Variants in NAV3 observed in about 807,000 individuals in gnomAD.
NAV3 encodes the protein pore membrane and/or filament interacting like protein 1.
In NAV3, 87 loss-of-function variants were observed where a neutral mutation model predicts 244.7. The ratio of observed to expected loss-of-function variants is 0.36; its 90% CI spans 0.30 to 0.42. NAV3 has a LOEUF of 0.42. Among genes scored for constraint, NAV3 ranks in the 20% least tolerant of loss-of-function variants. NAV3 has a pLI of 1.00. For missense variants in NAV3, 2,663 were observed against 2,893.3 expected, an observed-to-expected ratio of 0.92 and a Z score of 1.83; for synonymous variants, 1,126 against 1,042.2, an observed-to-expected ratio of 1.08 and a Z score of -1.55.
intron 2 of NAV3, among the ~76,000 whole-genome samples, chr12:77,661,204 C>T (rs572987827): frequency 2.0e-5 from 3 of 152,272 alleles, no homozygotes; most frequent in Non-Finnish European, 4.4e-5. Context: ...TCCCGCCAGC[C>T]ATGTCTGAGA....
intron 9 of NAV3, among the ~76,000 whole-genome samples, chr12:78,044,769 C>G (rs1435145982): frequency 6.6e-6 from 1 of 152,148 alleles, no homozygotes; most frequent in Non-Finnish European, 1.5e-5. Flanking sequence ...GTGATTTTCG[C>G]ATGTTGATTT....
intron 2 of NAV3, among the ~76,000 whole-genome samples, chr12:77,738,687 A>T (rs563659311): frequency 3.9e-5 from 6 of 152,324 alleles, no homozygotes; most frequent in Non-Finnish European, 5.9e-5. Context: ...GAAAAAATGT[A>T]ATTAGAGGCA....
chr12:78,139,454 C>A (rs1055155837), intron 19 of NAV3, among the ~76,000 whole-genome samples: 5 of 152,022 alleles, frequency 3.3e-5, no homozygotes, highest in African/African-American at 1.2e-4. Flanking sequence ...TTTTGTAGTT[C>A]CAGGATCTAG....
chr12:77,687,983 T>C (rs1433884293), intron 2 of NAV3, among the ~76,000 whole-genome samples: 1 of 152,094 alleles, frequency 6.6e-6, no homozygotes, highest in Admixed American at 6.6e-5. Context: ...ATATATTAGT[T>C]GTATGTAAAG....
chr12:77,939,176 T>C (rs1889623638), intron 1 of NAV3, among the ~76,000 whole-genome samples: 1 of 152,182 alleles, frequency 6.6e-6, no homozygotes, highest in Admixed American at 6.6e-5. Context: ...TTAGTGTTCA[T>C]AACTATAAAA....
At chr12:77,737,449 G>A (rs1452016638) in intron 2 of NAV3, among the ~76,000 whole-genome samples, 2 of 151,780 alleles carry the variant, frequency 1.3e-5, no homozygotes, top group Non-Finnish European at 2.9e-5. Flanking sequence ...AAGCTCCTAG[G>A]TGCTGCTTTA....
chr12:78,014,977 C>T (rs1875928681), intron 8 of NAV3, among the ~76,000 whole-genome samples: 2 of 152,044 alleles, frequency 1.3e-5, no homozygotes, highest in African/African-American at 4.8e-5. Context: ...TTTCCTCGCA[C>T]AGCGGTATTT....
rs1231827498 is a variant in NAV3 at position 78,037,284 on chromosome 12, G to A, written c.2024-12709G>A. ...CATCAGCAGAAGCTGGGCTGAAGAG[G>A]AGGGAGAAAGCTGTTTGCGGGAAGG... On this transcript the variant is annotated intron_variant, in intron 9 of 39. Transcript: ENST00000397909. 7.1e-6 allele frequency: 5 copies of A among 702,892 alleles called. 1 individual carries two copies. Among genetic ancestry groups the A allele is most frequent in the African/African-American group, 3.5e-5 (2 of 57,266 alleles). 43.5% of individuals were successfully genotyped at this position (702,892 alleles called of 1,614,324 possible).
intron 3 of NAV3, among the ~76,000 whole-genome samples, chr12:77,963,199 C>G (rs1230277343): frequency 1.3e-5 from 2 of 152,018 alleles, no homozygotes; most frequent in Non-Finnish European, 2.9e-5. Flanking sequence ...AGTGTTTGTA[C>G]TAGGTCTATT....
intron 1 of NAV3, among the ~76,000 whole-genome samples, chr12:77,935,847 G>A (rs1207540411): frequency 6.6e-6 from 1 of 152,138 alleles, no homozygotes; most frequent in African/African-American, 2.4e-5. Flanking sequence ...GAGGAAGAGA[G>A]AGAGCCAAGG....
intron 7 of NAV3, among the ~76,000 whole-genome samples, chr12:78,005,088 C>A (rs922377085): frequency 5.3e-5 from 8 of 152,046 alleles, no homozygotes. Flanking sequence ...CTGACTGGTT[C>A]TTTTCTACCC....
At chr12:77,836,432 G>T (rs1396599584) in intron 1 of NAV3, among the ~76,000 whole-genome samples, 1 of 152,034 alleles carries the variant, frequency 6.6e-6, no homozygotes, top group Non-Finnish European at 1.5e-5. Flanking sequence ...TCAAGATTCT[G>T]TTTTACATTA....
intron 1 of NAV3, 59 bp from the exon 2 acceptor site, chr12:77,940,260 T>G: frequency 3.2e-6 from 4 of 1,257,170 alleles, no homozygotes; most frequent in Non-Finnish European, 4.6e-6. Context: ...GTCTTCAGCA[T>G]TTTATTGTCT....
In NAV3 at chr12:78,007,161, T is replaced by G; in HGVS notation, c.1623T>G (p.Ile541Met). The G allele has an allele frequency of 1.2e-6, 2 of 1,614,066 alleles. No individual in the cohort carries two copies. Among genetic ancestry groups the G allele is most frequent in the Non-Finnish European group, 1.7e-6 (2 of 1,180,014 alleles). Residue 541 changes from isoleucine (I) to methionine (M), a missense_variant, in exon 8 of 40, where the codon ATT becomes ATG. Ile to Met is a conservative substitution (Grantham distance 10, BLOSUM62 1). Coordinates refer to ENST00000397909, the MANE Select transcript of NAV3 (RefSeq NM_001024383.2). Reference sequence around the variant, plus strand: ...AAGTTCCAACAGTAAAGCAAACCATTTCACCTGGCAGCACAGCAAGCAAAG... The same window carrying G: ...AAGTTCCAACAGTAAAGCAAACCATGTCACCTGGCAGCACAGCAAGCAAAG... Reference protein sequence around the residue: ...GSKVPTVKQTISPGSTASKES... With the variant: ...GSKVPTVKQTMSPGSTASKES...
rs184475804 is a variant in NAV3 at position 78,050,986 on chromosome 12, C to T, written c.2355C>T (p.Leu785=). The change falls in exon 11 of 40, where the codon CTC becomes CTT. Residue 785 remains leucine, a synonymous_variant. Coordinates refer to ENST00000397909, the MANE Select transcript of NAV3 (RefSeq NM_001024383.2). ...DPSRFMYTTP[L]RRAAVSRLGN... ...CGAGGTTCATGTATACCACGCCTCT[C>T]CGTCGAGCTGCTGTCTCTAGGCTGG... is the stretch of plus-strand genomic sequence containing the variant. 8 of 1,614,134 alleles carry T rather than the reference C, an allele frequency of 5.0e-6. No individual in the cohort carries two copies. The Admixed American group carries it at 1.3e-4, about 27-fold the overall frequency.
At chr12:77,592,123 C>T (rs1359452688) in intron 2 of NAV3, among the ~76,000 whole-genome samples, 1 of 152,102 alleles carries the variant, frequency 6.6e-6, no homozygotes. Flanking sequence ...GCTTCCCTCC[C>T]AGGTTTCCAG....
At chr12:77,738,984 C>T (rs893683031) in intron 2 of NAV3, among the ~76,000 whole-genome samples, 10 of 115,182 alleles carry the variant, frequency 8.7e-5, no homozygotes, top group Admixed American at 2.7e-4. Flanking sequence ...TGCACTCCAG[C>T]ATGGGCGACA....
chr12:77,969,719 C>T (rs777350354), intron 5 of NAV3, among the ~76,000 whole-genome samples: 7 of 152,050 alleles, frequency 4.6e-5, no homozygotes, highest in African/African-American at 7.2e-5. Context: ...GTGACAGGTG[C>T]GTGTAATCCC....
chr12:77,838,685 C>T (rs1163032564), intron 1 of NAV3, among the ~76,000 whole-genome samples: 2 of 152,014 alleles, frequency 1.3e-5, no homozygotes, highest in Non-Finnish European at 2.9e-5. Context: ...ATAATTGCTA[C>T]GTGTTTGATA....
Sources: gnomAD v4.1 joint callset for allele counts (sites outside exome capture counted in the v4.1 genomes callset) on GRCh38, gnomAD v4.1.1 for gene constraint, MANE v1.5 for transcripts, NCBI Gene and HGNC (gene_info 2026-07-23, HGNC 2026-07-21) for gene names.